The following LPA variants were observed in gnomAD, a reference collection of about 807,000 sequenced individuals.
LPA encodes apolipoprotein(a).
A neutral mutation model predicts 197.9 loss-of-function variants in LPA; 199 were observed. The ratio of observed to expected loss-of-function variants is 1.01; its 90% CI spans 0.90 to 1.13. LPA has a LOEUF of 1.13. LPA is among the 50% of genes most tolerant of loss of function. The probability of loss-of-function intolerance (pLI) is 0.00; values close to 1 mark genes in which losing one functional copy is unlikely to be tolerated. For synonymous variants in LPA, 715 were observed against 639.5 expected (o/e 1.12, Z -1.78); for missense variants, 1,853 against 1,785.8 (o/e 1.04, Z -0.68).
chr6:160,603,921 G>T (rs1468963805), intron 18 of LPA, among the ~76,000 whole-genome samples: 5 of 152,124 alleles, frequency 3.3e-5, no homozygotes, highest in African/African-American at 1.2e-4. Context: ...GTTCAGTGAG[G>T]TCTCTCCTCC....
At chr6:160,566,985 T>C (rs982092759) in intron 28 of LPA, among the ~76,000 whole-genome samples, 4 of 152,162 alleles carry the variant, frequency 2.6e-5, no homozygotes, top group African/African-American at 9.7e-5. Flanking sequence ...AGCACCTAGA[T>C]TCATAAAGCA....
At chr6:160,564,526 G>A (rs1336803251) in intron 28 of LPA, among the ~76,000 whole-genome samples, 3 of 152,110 alleles carry the variant, frequency 2.0e-5, no homozygotes, top group Admixed American at 6.6e-5. Flanking sequence ...TCGTGAGAGA[G>A]GGGAGGTTTC....
intron 28 of LPA, among the ~76,000 whole-genome samples, chr6:160,560,180 A>C (rs1224387501): frequency 1.3e-5 from 2 of 152,166 alleles, no homozygotes; most frequent in African/African-American, 4.8e-5. Flanking sequence ...TTCTTTATCC[A>C]GTCTATCATT....
intron 20 of LPA, among the ~76,000 whole-genome samples, chr6:160,598,951 T>C (rs1014115223): frequency 3.3e-5 from 5 of 152,174 alleles, no homozygotes; most frequent in African/African-American, 1.2e-4. Flanking sequence ...TCTAACTCTT[T>C]GGTCATTTGT....
intron 28 of LPA, among the ~76,000 whole-genome samples, chr6:160,575,468 ATTT>A (rs561671197): frequency 9.8e-5 from 15 of 152,294 alleles, no homozygotes; most frequent in African/African-American, 3.6e-4. Flanking sequence ...TAACTGAGCA[ATTT>A]GATTTTATTG....
At chr6:160,543,449 T>A (rs1019632683) in intron 33 of LPA, among the ~76,000 whole-genome samples, 2 of 152,166 alleles carry the variant, frequency 1.3e-5, no homozygotes, top group African/African-American at 4.8e-5. Context: ...TAATTATTCA[T>A]ATAATTATTA....
In LPA at chr6:160,533,354, C is replaced by G. The variant is rs147603465; in HGVS notation, c.5843-705G>C. On this transcript the variant is annotated intron_variant, in intron 37 of 38. Transcript: ENST00000316300. ...GGCACAAGCTCATAATGTGGTATAT[C>G]TCACTTAATCCTCACAACGGTCCTA... Among the ~76,000 whole-genome samples, 770 of 152,314 alleles carry G rather than the reference C, an allele frequency of 5.1e-3. 4 individuals carry two copies. The highest frequency in any genetic ancestry group is 0.017 in the African/African-American group (721 of 41,570).
chr6:160,648,226 A>G (rs1779938871), intron 2 of LPA, among the ~76,000 whole-genome samples: 1 of 152,198 alleles, frequency 6.6e-6, no homozygotes, highest in African/African-American at 2.4e-5. Context: ...TTCCTCTAGC[A>G]AGACACAGCT....
rs1439570855 is a variant in LPA at position 160,606,488 on chromosome 6, G to A, written c.2774C>T (p.Pro925Leu). 19 of 1,613,362 alleles carry A rather than the reference G, an allele frequency of 1.2e-5. No individual in the cohort carries two copies. Among genetic ancestry groups the A allele is most frequent in the Non-Finnish European group, 1.6e-5 (19 of 1,179,840 alleles). Residue 925 changes from proline to leucine, a missense_variant, in exon 17 of 39, where the codon CCT becomes CTT. Transcript: ENST00000316300. ...CACAGGCTCCTTACCTTGTTCAGAA[G>A]GAGCCTCTAGGCTTGGAATCGGGGT... ...TITPIPSLEA[P>L]SEQAPTEQRP...
chr6:160,536,697 C>T (rs1015293183), intron 37 of LPA, among the ~76,000 whole-genome samples: 6 of 152,154 alleles, frequency 3.9e-5, no homozygotes, highest in African/African-American at 1.2e-4. Context: ...AGCAGCCTCC[C>T]ACACCCATAG....
chr6:160,594,414 G>T (rs1779091053), intron 21 of LPA, among the ~76,000 whole-genome samples: 1 of 152,206 alleles, frequency 6.6e-6, no homozygotes, highest in Admixed American at 6.5e-5. Context: ...TCTTCTGGGT[G>T]TTCCTGAGAA....
intron 37 of LPA, among the ~76,000 whole-genome samples, chr6:160,535,655 G>C (rs1489266503): frequency 6.6e-6 from 1 of 152,152 alleles, no homozygotes; most frequent in Non-Finnish European, 1.5e-5. Context: ...GATGGTGATG[G>C]TAGTGCCAGT....
At chr6:160,607,001 G>T (rs1779369644) in intron 16 of LPA, among the ~76,000 whole-genome samples, 1 of 152,042 alleles carries the variant, frequency 6.6e-6, no homozygotes, top group Non-Finnish European at 1.5e-5. Context: ...GGATTTTGAT[G>T]TGTGTATTGT....
At position 160,650,506 on chromosome 6, in the gene LPA, A is replaced by T. The variant is rs199734505; in HGVS notation, c.50-9T>A. The T allele has an allele frequency of 2.5e-6, 4 of 1,612,972 alleles. No individual in the cohort carries two copies. The African/African-American group carries it at 5.3e-5, about 22-fold the overall frequency. ...GCTTTGCTCAGGTGCTGCTAAAATTAAAACAGAAGAAATCAAGCTGAATAG... is the reference window on the plus strand; with the variant it reads ...GCTTTGCTCAGGTGCTGCTAAAATTTAAACAGAAGAAATCAAGCTGAATAG... On this transcript the variant is annotated splice_polypyrimidine_tract_variant and intron_variant, in intron 1 of 38. Coordinates refer to ENST00000316300, the MANE Select transcript of LPA (RefSeq NM_005577.4).
Position 160,554,703 on chromosome 6 carries a change from C to T in LPA, c.4973+1322G>A, listed in dbSNP as rs563769418. Among the ~76,000 whole-genome samples, 131 of 152,118 alleles carry T rather than the reference C, an allele frequency of 8.6e-4. 2 individuals carry two copies. Among genetic ancestry groups the T allele is most frequent in the African/African-American group, 3.1e-3 (129 of 41,508 alleles). On this transcript the variant is annotated intron_variant, in intron 30 of 38. Transcript: ENST00000316300. ...TTTCCCCAGTAGTGGTTCTCTGTCC[C>T]ACTTTGTAGAATTTCTCCCTGTGCA...
intron 28 of LPA, among the ~76,000 whole-genome samples, chr6:160,575,887 A>G (rs1264220499): frequency 6.6e-6 from 1 of 152,122 alleles, no homozygotes; most frequent in East Asian, 1.9e-4. Context: ...TTATCTCCAC[A>G]AATTCTTTCT....
chr6:160,652,953 G>A (rs1780033071), intron 1 of LPA, among the ~76,000 whole-genome samples: 4 of 151,836 alleles, frequency 2.6e-5, no homozygotes, highest in Admixed American at 1.3e-4. Context: ...TATAAATGAA[G>A]GCAGAAAAAT....
At chr6:160,632,157 AT>A (rs1779702448) in intron 8 of LPA, among the ~76,000 whole-genome samples, 1 of 135,754 alleles carries the variant, frequency 7.4e-6, no homozygotes, top group African/African-American at 3.1e-5. Context: ...CTTTAATTTA[AT>A]TTGGCTATTC....
chr6:160,582,614 A>G (rs1778822503), intron 26 of LPA, among the ~76,000 whole-genome samples: 1 of 152,014 alleles, frequency 6.6e-6, no homozygotes, highest in Non-Finnish European at 1.5e-5. Context: ...ATAAGATTTT[A>G]CTTTCTATCT....
Sources: allele counts gnomAD v4.1 joint callset (sites outside exome capture counted in the v4.1 genomes callset), GRCh38; gene constraint gnomAD v4.1.1; transcripts MANE v1.5; gene names NCBI Gene and HGNC (gene_info 2026-07-23, HGNC 2026-07-21).